The following LIN9 variants were observed in gnomAD, a reference collection of about 807,000 sequenced individuals.
The protein encoded by LIN9 is protein lin-9 homolog.
LIN9 carries 18 observed loss-of-function variants against 78.0 expected under a neutral mutation model. The ratio of observed to expected loss-of-function variants is 0.23; its 90% confidence interval spans 0.16 to 0.34. LIN9 has a LOEUF of 0.34. Ranked by LOEUF, LIN9 falls within the 10% of genes least tolerant of loss-of-function variation. LIN9 has a pLI of 1.00. For synonymous variants in LIN9, 192 were observed against 215.2 expected (o/e 0.89, Z 0.94); for missense variants, 451 against 644.1 (o/e 0.70, Z 3.25).
chr1:226,285,032 T>C (rs1576339507), intron 6 of LIN9, among the ~76,000 whole-genome samples: 1 of 152,228 alleles, frequency 6.6e-6, no homozygotes, highest in Middle Eastern at 3.4e-3. Context: ...CACATTTTAT[T>C]GAAAAAAGAC....
At chr1:226,233,284 C>A in intron 13 of LIN9, 60 bp downstream of exon 13, 1 of 1,517,554 alleles carries the variant, frequency 6.6e-7, no homozygotes, top group Admixed American at 1.9e-5. Flanking sequence ...AATTTCTTAG[C>A]AACAAATTAG....
intron 4 of LIN9, among the ~76,000 whole-genome samples, chr1:226,293,981 T>C (rs1334451526): frequency 2.0e-5 from 3 of 152,120 alleles, no homozygotes; most frequent in African/African-American, 7.2e-5. Flanking sequence ...ATTGGTAGGG[T>C]AGATTGCTGG....
At position 226,232,216 on chromosome 1, in the gene LIN9, C is replaced by T. The variant is rs879633602; in HGVS notation, c.*285G>A. 2.3e-4 allele frequency: 92 copies of T among 400,546 alleles called. No individual in the cohort carries two copies. In the Middle Eastern group the frequency reaches 2.5e-3, roughly 11 times the overall value. 24.8% of individuals were successfully genotyped at this position (400,546 alleles called of 1,614,324 possible). A position where few individuals can be genotyped will look rare whatever the true frequency, so the allele number is the denominator to read the frequency against. On this transcript the variant is annotated 3_prime_UTR_variant, in exon 15 of 15. Transcript: ENST00000681046. The stretch of plus-strand genomic sequence containing the variant: ...AAAAAATGGTCAATGTATTCTTCCA[C>T]GAAATTATATTATGTTCAGATATTT...
chr1:226,280,515 C>T (rs530389235), intron 6 of LIN9, among the ~76,000 whole-genome samples: 91 of 152,238 alleles, frequency 6.0e-4, no homozygotes, highest in African/African-American at 2.1e-3. Flanking sequence ...CAGTGGCTCA[C>T]ACCTGTAATC....
intron 6 of LIN9, among the ~76,000 whole-genome samples, chr1:226,278,697 G>A (rs1416419835): frequency 6.6e-6 from 1 of 151,570 alleles, no homozygotes; most frequent in East Asian, 1.9e-4. Context: ...GGTGGCAGGC[G>A]CCTATAATCC....
At chr1:226,309,039 T>G (rs1663109248) in intron 1 of LIN9, 70 bp downstream of exon 1, 1 of 1,286,010 alleles carries the variant, frequency 7.8e-7, no homozygotes, top group East Asian at 2.9e-5. Context: ...CGGCCGTCCG[T>G]CCCGGCCGGT....
At chr1:226,289,628 C>G (rs965226172) in intron 4 of LIN9, among the ~76,000 whole-genome samples, 3 of 152,014 alleles carry the variant, frequency 2.0e-5, no homozygotes, top group African/African-American at 7.2e-5. Flanking sequence ...TCCCAAAGAG[C>G]TAGGATTACA....
intron 12 of LIN9, among the ~76,000 whole-genome samples, chr1:226,234,733 C>T (rs771511699): frequency 2.0e-5 from 3 of 152,048 alleles, no homozygotes; most frequent in Non-Finnish European, 4.4e-5. Flanking sequence ...TCTCAGCAGA[C>T]ATATACACTC....
intron 1 of LIN9, among the ~76,000 whole-genome samples, chr1:226,305,315 G>GAAAAAAAAAAAAAAAA (rs111859953): frequency 6.5e-5 from 5 of 77,470 alleles, no homozygotes; most frequent in Non-Finnish European, 1.0e-4. Context: ...ACAAAAAAAA[G>GAAAAAAAAAAAAAAAA]AAAAAAAAAA....
chr1:226,266,254 G>A lies in LIN9; in HGVS notation c.895C>T (p.Pro299Ser). The change falls in exon 9 of 15, where the codon CCA becomes TCA. Residue 299 changes from proline to serine, a missense_variant. Physicochemically the swap from Pro to Ser is moderately conservative, Grantham distance 74 (BLOSUM62 -1). Coordinates refer to ENST00000681046, the MANE Select transcript of LIN9 (RefSeq NM_001366245.2). ...QRPSRFFMTP[P>S]RLHYTPPLQS... ...AGAGGAGGAGTATAATGTAACCGTGGTGGGGTCATAAAAAATCGAGAAGGC... is the reference window on the plus strand; with the variant it reads ...AGAGGAGGAGTATAATGTAACCGTGATGGGGTCATAAAAAATCGAGAAGGC... 6.2e-7 allele frequency: 1 copy of A among 1,600,628 alleles called. No homozygotes were observed. Among genetic ancestry groups the A allele is most frequent in the Non-Finnish European group, 8.5e-7 (1 of 1,171,254 alleles).
chr1:226,275,461 C>T (rs200677531), intron 7 of LIN9, among the ~76,000 whole-genome samples: 4 of 151,760 alleles, frequency 2.6e-5, no homozygotes, highest in South Asian at 2.1e-4. Context: ...TTTGGGAGGC[C>T]GAGGCGGGTG....
chr1:226,237,800 A>G (rs1251360394), intron 12 of LIN9, among the ~76,000 whole-genome samples: 1 of 150,732 alleles, frequency 6.6e-6, no homozygotes, highest in Non-Finnish European at 1.5e-5. Flanking sequence ...AAAATACAAA[A>G]AAATTAGCCG....
chr1:226,256,650 C>CT (rs1659214900), intron 10 of LIN9, among the ~76,000 whole-genome samples: 1 of 151,808 alleles, frequency 6.6e-6, no homozygotes, highest in Non-Finnish European at 1.5e-5. Context: ...GCTCCGCCTC[C>CT]TGGGTTCACA....
chr1:226,278,624 G>C (rs1291380421), intron 6 of LIN9, among the ~76,000 whole-genome samples: 2 of 148,530 alleles, frequency 1.3e-5, no homozygotes, highest in Non-Finnish European at 1.5e-5. Flanking sequence ...AGGAGTTCGA[G>C]ACTAACCTGG....
chr1:226,244,973 C>T (rs184845899), intron 11 of LIN9, among the ~76,000 whole-genome samples: 270 of 152,250 alleles, frequency 1.8e-3, no homozygotes, highest in African/African-American at 6.3e-3. Context: ...TCATTTTGGA[C>T]AAAGGCAAAC....
intron 7 of LIN9, among the ~76,000 whole-genome samples, chr1:226,274,131 C>T (rs908827403): frequency 1.3e-5 from 2 of 152,196 alleles, no homozygotes; most frequent in Non-Finnish European, 2.9e-5. Flanking sequence ...CTACGCCTGG[C>T]CTTAACATTA....
chr1:226,303,986 T>C (rs1268345193), intron 1 of LIN9, among the ~76,000 whole-genome samples: 1 of 152,250 alleles, frequency 6.6e-6, no homozygotes, highest in African/African-American at 2.4e-5. Context: ...TGTTTGAATC[T>C]TGGTCCTGAC....
At chr1:226,300,127 G>A (rs1270766321) in intron 2 of LIN9, among the ~76,000 whole-genome samples, 1 of 151,990 alleles carries the variant, frequency 6.6e-6, no homozygotes, top group Non-Finnish European at 1.5e-5. Context: ...TAGTAGAGAT[G>A]GGGTTTCACC....
intron 10 of LIN9, among the ~76,000 whole-genome samples, chr1:226,253,121 A>G (rs190671412): frequency 1.4e-3 from 206 of 150,714 alleles, no homozygotes; most frequent in African/African-American, 4.7e-3. Flanking sequence ...AAATTAGCCA[A>G]GTGTGGTGGC....
Sources: allele counts gnomAD v4.1 joint callset (sites outside exome capture counted in the v4.1 genomes callset), GRCh38; gene constraint gnomAD v4.1.1; transcripts MANE v1.5; gene names NCBI Gene and HGNC (gene_info 2026-07-23, HGNC 2026-07-21).